The following CCDC102B variants were observed in gnomAD, a reference collection of about 807,000 sequenced individuals.
The protein encoded by CCDC102B is coiled-coil domain containing 102B, also known as coiled-coil domain-containing protein 102B.
In CCDC102B, 75 loss-of-function variants were observed where a neutral mutation model predicts 57.4. That is an observed-to-expected ratio of 1.31 (90% confidence interval 1.08 to 1.58). The LOEUF (loss-of-function observed/expected upper bound fraction) is 1.58. Ranked by LOEUF, CCDC102B falls within the 40% of genes most tolerant of loss-of-function variation. CCDC102B has a pLI of 0.00. For missense variants in CCDC102B, 636 were observed against 582.6 expected, an observed-to-expected ratio of 1.09 and a Z score of -0.94; for synonymous variants, 206 against 201.9, an observed-to-expected ratio of 1.02 and a Z score of -0.17.
chr18:68,901,525 G>T (rs998862922), intron 6 of CCDC102B, among the ~76,000 whole-genome samples: 1 of 152,098 alleles, frequency 6.6e-6, no homozygotes, highest in South Asian at 2.1e-4. Context: ...GGTACAGAGT[G>T]ACAAAAGAAA....
intron 6 of CCDC102B, among the ~76,000 whole-genome samples, chr18:69,008,803 T>C (rs1394473240): frequency 6.6e-6 from 1 of 152,236 alleles, no homozygotes; most frequent in East Asian, 1.9e-4. Flanking sequence ...TCGCTTTATA[T>C]CAGCTTGTTT....
chr18:69,041,512 T>G (rs1032460887), intron 7 of CCDC102B, among the ~76,000 whole-genome samples: 1 of 152,086 alleles, frequency 6.6e-6, no homozygotes, highest in African/African-American at 2.4e-5. Context: ...GCTTCCCCTA[T>G]GGACTCCTTA....
intron 2 of CCDC102B, among the ~76,000 whole-genome samples, chr18:68,783,557 C>G (rs1177616052): frequency 6.6e-6 from 1 of 152,184 alleles, no homozygotes; most frequent in South Asian, 2.1e-4. Flanking sequence ...TTTGGGTTTA[C>G]ACTGCACTTA....
rs537542998 is a variant in CCDC102B, at chr18:68,737,195, A to G, written c.-67+20601A>G. ...AGCAGGGGGTGGGCATGGGGGTAAC[A>G]TGTCTGGGCACCCGAAAACAAAGTA... On this transcript the variant is annotated intron_variant, in intron 2 of 3. Transcript: ENST00000578970. Among the ~76,000 whole-genome samples, 3 of 152,178 alleles carry G rather than the reference A, an allele frequency of 2.0e-5. No homozygotes were observed. In the East Asian group the frequency reaches 5.8e-4, roughly 29 times the overall value.
chr18:68,847,232 T>C (rs1268108335), intron 4 of CCDC102B, among the ~76,000 whole-genome samples: 1 of 151,736 alleles, frequency 6.6e-6, no homozygotes, highest in Non-Finnish European at 1.5e-5. Flanking sequence ...TACGGATCCA[T>C]AGTATTTCTA....
At chr18:69,014,414 G>A (rs1010997429) in intron 7 of CCDC102B, among the ~76,000 whole-genome samples, 1 of 152,168 alleles carries the variant, frequency 6.6e-6, no homozygotes, top group Admixed American at 6.5e-5. Context: ...AGACCAGGCA[G>A]CTATTTTCAG....
intron 2 of CCDC102B, among the ~76,000 whole-genome samples, chr18:68,732,280 TAA>T (rs1431385977): frequency 6.6e-6 from 1 of 152,056 alleles, no homozygotes; most frequent in East Asian, 1.9e-4. Context: ...TGGTTAATAA[TAA>T]CCATAGCTTG....
At chr18:68,847,376 A>G (rs987064559) in intron 4 of CCDC102B, among the ~76,000 whole-genome samples, 3 of 151,630 alleles carry the variant, frequency 2.0e-5, no homozygotes, top group African/African-American at 7.3e-5. Flanking sequence ...TCGAATTTTG[A>G]CTGAAAAAGC....
At chr18:68,965,477 GT>G (rs1309698260) in intron 6 of CCDC102B, among the ~76,000 whole-genome samples, 4 of 150,974 alleles carry the variant, frequency 2.6e-5, no homozygotes, top group Non-Finnish European at 5.9e-5. Context: ...TTTGTTTCAA[GT>G]GTGTTTGTAA....
At position 69,054,482 on chromosome 18, in the gene CCDC102B, G is replaced by C; in HGVS notation, c.*345G>C. Reference sequence around the variant, plus strand: ...AGTTGAAAACCATACAAGACGCTGGGTCATTAATAAGAAAACCATTGACTT... The same window carrying C: ...AGTTGAAAACCATACAAGACGCTGGCTCATTAATAAGAAAACCATTGACTT... On this transcript the variant is annotated 3_prime_UTR_variant, in exon 8 of 8. Coordinates refer to ENST00000360242, the MANE Select transcript of CCDC102B (RefSeq NM_024781.3). 9.9e-7 allele frequency: 1 copy of C among 1,006,782 alleles called. No homozygotes were observed. Among genetic ancestry groups the C allele is most frequent in the African/African-American group, 1.7e-5 (1 of 57,398 alleles). 62.4% of individuals were successfully genotyped at this position (1,006,782 alleles called of 1,614,324 possible).
intron 6 of CCDC102B, among the ~76,000 whole-genome samples, chr18:68,932,901 A>G (rs1279594427): frequency 6.6e-6 from 1 of 151,924 alleles, no homozygotes; most frequent in Non-Finnish European, 1.5e-5. Context: ...GAATAATAAC[A>G]CAAATAAAAT....
At chr18:68,810,680 GTTTTTTTTT>G (rs61714863) in intron 1 of CCDC102B, among the ~76,000 whole-genome samples, 112 of 77,050 alleles carry the variant, frequency 1.5e-3, no homozygotes, top group Non-Finnish European at 2.4e-3. Context: ...TCTTTTCTTT[GTTTTTTTTT>G]TTTTTTTTTT....
intron 2 of CCDC102B, among the ~76,000 whole-genome samples, chr18:68,730,778 A>G (rs1438633495): frequency 6.6e-6 from 1 of 152,180 alleles, no homozygotes; most frequent in Non-Finnish European, 1.5e-5. Flanking sequence ...CAATCCCTTG[A>G]GTCAGAAAAT....
intron 2 of CCDC102B, among the ~76,000 whole-genome samples, chr18:68,729,472 TGACCA>T (rs1209621226): frequency 3.3e-5 from 5 of 152,200 alleles, no homozygotes; most frequent in Non-Finnish European, 5.9e-5. Flanking sequence ...ATAGACCAAC[TGACCA>T]GTGGAATACA....
intron 2 of CCDC102B, among the ~76,000 whole-genome samples, chr18:68,765,045 T>TTAAATAAATAAATAAA (rs60550530): frequency 0.038 from 4,837 of 127,066 alleles, 150 homozygotes; most frequent in East Asian, 0.088. Context: ...AAACCCTCTC[T>TTAAATAAATAAATAAA]TAAATAAATA....
rs189178671 is a variant in CCDC102B, at chr18:68,770,520, C to T, written c.-66-52846C>T. Among the ~76,000 whole-genome samples the T allele has an allele frequency of 2.8e-3, 431 of 152,214 alleles. 1 individual carries two copies. Among genetic ancestry groups the T allele is most frequent in the African/African-American group, 9.9e-3 (413 of 41,532 alleles). The stretch of plus-strand genomic sequence containing the variant: ...GAAGTGTACTCTGCTTCCATGACGC[C>T]AAGGCAAGGTTGTGGATGCATCCTC... On this transcript the variant is annotated intron_variant, in intron 2 of 3. Transcript: ENST00000578970.
At chr18:68,759,329 G>A (rs1488501843) in intron 2 of CCDC102B, among the ~76,000 whole-genome samples, 1 of 152,008 alleles carries the variant, frequency 6.6e-6, no homozygotes, top group Non-Finnish European at 1.5e-5. Flanking sequence ...GGAACTTAAA[G>A]AAATGAGTTG....
At chr18:68,834,879 T>A (rs2037299209) in intron 1 of CCDC102B, among the ~76,000 whole-genome samples, 1 of 152,066 alleles carries the variant, frequency 6.6e-6, no homozygotes, top group African/African-American at 2.4e-5. Flanking sequence ...TTCAGTTGAT[T>A]AAATAGATGG....
At chr18:68,917,918 G>A (rs1250573119) in intron 6 of CCDC102B, among the ~76,000 whole-genome samples, 1 of 152,004 alleles carries the variant, frequency 6.6e-6, no homozygotes, top group South Asian at 2.1e-4. Context: ...TTAAGAAAAA[G>A]GACAATGTGC....
Sources: gnomAD v4.1 joint callset for allele counts (sites outside exome capture counted in the v4.1 genomes callset) on GRCh38, gnomAD v4.1.1 for gene constraint, MANE v1.5 for transcripts, NCBI Gene and HGNC (gene_info 2026-07-23, HGNC 2026-07-21) for gene names.